Variants in TSPAN9 observed in about 807,000 individuals in gnomAD.
The protein encoded by TSPAN9 is tetraspanin 9.
In TSPAN9, 16 loss-of-function variants were observed where a neutral mutation model predicts 31.0. The observed-to-expected ratio is 0.52, with a 90% CI of 0.35 to 0.78. The LOEUF (loss-of-function observed/expected upper bound fraction) is 0.78. Ranked by LOEUF, TSPAN9 falls within the 30% of genes least tolerant of loss-of-function variation. The pLI, the probability that TSPAN9 is intolerant of heterozygous loss-of-function variation, is 0.01. For missense variants in TSPAN9, 272 were observed against 312.5 expected (o/e 0.87, Z 0.98); for synonymous variants, 145 against 121.6 (o/e 1.19, Z -1.27).
chr12:3,096,735 T>G (rs2098309244), intron 2 of TSPAN9, among the ~76,000 whole-genome samples: 1 of 151,742 alleles, frequency 6.6e-6, no homozygotes, highest in Non-Finnish European at 1.5e-5. Context: ...TCTCGCTCTG[T>G]CGCCCGGAGT....
chr12:3,213,806 C>T (rs1205400700), intron 3 of TSPAN9, among the ~76,000 whole-genome samples: 1 of 152,192 alleles, frequency 6.6e-6, no homozygotes, highest in African/African-American at 2.4e-5. Context: ...TTCTGTCTTC[C>T]CACCTAAATG....
At chr12:3,117,383 A>G (rs2098322914) in intron 2 of TSPAN9, among the ~76,000 whole-genome samples, 1 of 152,108 alleles carries the variant, frequency 6.6e-6, no homozygotes, top group South Asian at 2.1e-4. Flanking sequence ...TAATAAAAGC[A>G]CTTCAGCAGA....
At chr12:3,145,723 C>T (rs968167355) in intron 2 of TSPAN9, among the ~76,000 whole-genome samples, 2 of 152,202 alleles carry the variant, frequency 1.3e-5, no homozygotes, top group Admixed American at 6.5e-5. Flanking sequence ...TGGGGGAAGG[C>T]GTGGCTGGCA....
chr12:3,263,773 C>T (rs1459230423), intron 3 of TSPAN9, among the ~76,000 whole-genome samples: 1 of 152,052 alleles, frequency 6.6e-6, no homozygotes, highest in Non-Finnish European at 1.5e-5. Flanking sequence ...GACGGCCAGT[C>T]GAGCCACTGC....
intron 2 of TSPAN9, among the ~76,000 whole-genome samples, chr12:3,123,729 C>T (rs1591637999): frequency 6.6e-6 from 1 of 151,992 alleles, no homozygotes. Context: ...TCCTTGCAGG[C>T]ACTCTCTGGG....
chr12:3,278,004 C>T (rs1406915467), intron 3 of TSPAN9, among the ~76,000 whole-genome samples: 2 of 152,220 alleles, frequency 1.3e-5, no homozygotes, highest in Admixed American at 6.5e-5. Context: ...GTCTTTCTTG[C>T]TTTTCCTGAC....
chr12:3,081,844 G>GTGTATATATATATATATATATATATA (rs57812985), intron 1 of TSPAN9, among the ~76,000 whole-genome samples: 1 of 116,738 alleles, frequency 8.6e-6, no homozygotes, highest in African/African-American at 3.7e-5. Context: ...GTCTGTGTGT[G>GTGTATATATATATATATATATATATA]TATATATATG....
intron 2 of TSPAN9, among the ~76,000 whole-genome samples, chr12:3,188,991 G>C (rs1407047508): frequency 6.6e-6 from 1 of 152,214 alleles, no homozygotes. Context: ...GGCTGCGCTG[G>C]TTGCCGCAGA....
intron 2 of TSPAN9, among the ~76,000 whole-genome samples, chr12:3,131,252 CCCAG>C (rs2098329721): frequency 9.4e-6 from 1 of 106,218 alleles, no homozygotes; most frequent in South Asian, 3.0e-4. Context: ...GCAGTTTTTA[CCCAG>C]GCACCGCGTG....
chr12:3,082,089 G>C (rs1219236633), intron 1 of TSPAN9, among the ~76,000 whole-genome samples: 1 of 152,120 alleles, frequency 6.6e-6, no homozygotes, highest in Admixed American at 6.5e-5. Context: ...CCAGTAAAGA[G>C]TTGAGAAATG....
intron 3 of TSPAN9, among the ~76,000 whole-genome samples, chr12:3,252,279 C>A (rs1224693297): frequency 6.6e-6 from 1 of 152,222 alleles, no homozygotes; most frequent in African/African-American, 2.4e-5. Context: ...GAGGTGTAGC[C>A]TCTGGCCAGG....
chr12:3,198,887 A>ACGAGCACAGG (rs1341593037), intron 2 of TSPAN9, among the ~76,000 whole-genome samples: 1 of 149,920 alleles, frequency 6.7e-6, no homozygotes, highest in African/African-American at 2.5e-5. Flanking sequence ...ACAGGTCACC[A>ACGAGCACAGG]TCAGCACAGG....
At chr12:3,104,727 A>G (rs1482075680) in intron 2 of TSPAN9, among the ~76,000 whole-genome samples, 1 of 152,114 alleles carries the variant, frequency 6.6e-6, no homozygotes, top group Non-Finnish European at 1.5e-5. Context: ...ACCTCATTTA[A>G]TCCGCCCAGC....
rs1196183726 is a variant in TSPAN9 at position 3,089,526 on chromosome 12, A to G, written c.-18+5807A>G. On this transcript the variant is annotated intron_variant, in intron 2 of 8. Transcript: ENST00000011898. ...TGGCCAGGGTGGTCTCGATCTCCTG[A>G]CCTCGTGATCCGCCCTCCTTGGCCT... 9.2e-5 allele frequency among the ~76,000 whole-genome samples: 14 copies of G among 151,636 alleles called. No homozygotes were observed. The East Asian group carries it at 2.8e-3, about 30-fold the overall frequency.
chr12:3,175,531 G>A (rs2098355056), intron 2 of TSPAN9, among the ~76,000 whole-genome samples: 2 of 152,194 alleles, frequency 1.3e-5, no homozygotes, highest in Admixed American at 1.3e-4. Flanking sequence ...TTTGGTACTT[G>A]TAGAATAACT....
intron 3 of TSPAN9, among the ~76,000 whole-genome samples, chr12:3,276,081 A>G (rs1028680341): frequency 5.9e-5 from 9 of 152,198 alleles, no homozygotes; most frequent in African/African-American, 2.2e-4. Flanking sequence ...GAAGAAAGAG[A>G]GGCTCGCAAT....
intron 3 of TSPAN9, among the ~76,000 whole-genome samples, chr12:3,255,410 A>G (rs575934749): frequency 5.3e-5 from 8 of 152,342 alleles, no homozygotes; most frequent in East Asian, 1.9e-4. Context: ...AGCAGCGATC[A>G]GGGCAACTGA....
chr12:3,265,661 G>A (rs901283619), intron 3 of TSPAN9, among the ~76,000 whole-genome samples: 1 of 152,030 alleles, frequency 6.6e-6, no homozygotes, highest in African/African-American at 2.4e-5. Context: ...CTTTCCCCAC[G>A]CCACCACCTG....
intron 2 of TSPAN9, among the ~76,000 whole-genome samples, chr12:3,198,096 T>C (rs1161002788): frequency 3.7e-4 from 10 of 27,366 alleles, no homozygotes; most frequent in South Asian, 1.0e-3. Flanking sequence ...CCAGCACAGC[T>C]CACCACCAGC....
Sources: gnomAD v4.1 joint callset for allele counts (sites outside exome capture counted in the v4.1 genomes callset) on GRCh38, gnomAD v4.1.1 for gene constraint, MANE v1.5 for transcripts, NCBI Gene and HGNC (gene_info 2026-07-23, HGNC 2026-07-21) for gene names.